Variants in GPR15LG observed in about 807,000 individuals in gnomAD.
The protein encoded by GPR15LG is protein GPR15LG.
chr10:84,184,673 C>A, the GPR15LG span: 1 of 1,614,002 alleles, frequency 6.2e-7, no homozygotes, highest in South Asian at 1.1e-5. Flanking sequence ...ACTCATTGCT[C>A]CTCCCAGGAC....
the GPR15LG span, chr10:84,184,604 C>T: frequency 5.7e-6 from 8 of 1,402,110 alleles, no homozygotes; most frequent in Non-Finnish European, 7.0e-6. Context: ...GTGTTTTCCT[C>T]TCTCTCCCCA....
chr10:84,173,947 C>A, the GPR15LG span: 9 of 1,547,718 alleles, frequency 5.8e-6, no homozygotes, highest in Non-Finnish European at 3.6e-6. Flanking sequence ...GGGTGCAGAT[C>A]CCTGAGCAGG....
the GPR15LG span, chr10:84,173,955 A>G: frequency 1.7e-4 from 261 of 1,495,928 alleles, 1 homozygote; most frequent in Middle Eastern, 7.1e-4. Flanking sequence ...ATCCCTGAGC[A>G]GGATTTCAGC....
the GPR15LG span, chr10:84,176,558 C>A: frequency 1.2e-6 from 2 of 1,613,680 alleles, no homozygotes; most frequent in Non-Finnish European, 1.7e-6. Context: ...CCCAACTCAA[C>A]AAACCTGAAA....
At chr10:84,179,052 G>A in the GPR15LG span, among the ~76,000 whole-genome samples, 1 of 152,188 alleles carries the variant, frequency 6.6e-6, no homozygotes, top group African/African-American at 2.4e-5. Flanking sequence ...AAAGTGTTCT[G>A]TAGCCGGTGT....
At chr10:84,181,647 C>T in the GPR15LG span, among the ~76,000 whole-genome samples, 1 of 151,696 alleles carries the variant, frequency 6.6e-6, no homozygotes, top group East Asian at 2.0e-4. Context: ...TCTTGAACTC[C>T]TGGCCTCAAG....
the GPR15LG span, among the ~76,000 whole-genome samples, chr10:84,182,225 AAGG>A: frequency 6.6e-6 from 1 of 152,210 alleles, no homozygotes; most frequent in South Asian, 2.1e-4. Flanking sequence ...AGACCCTGGA[AAGG>A]AGGAGGTGAA....
the GPR15LG span, among the ~76,000 whole-genome samples, chr10:84,179,198 C>G: frequency 1.5e-3 from 230 of 152,352 alleles, no homozygotes; most frequent in Non-Finnish European, 2.5e-3. Context: ...TCAGTCTCCC[C>G]CTCTGTGAAG....
At chr10:84,184,044 G>A in the GPR15LG span, among the ~76,000 whole-genome samples, 2 of 151,908 alleles carry the variant, frequency 1.3e-5, no homozygotes, top group South Asian at 4.2e-4. Context: ...TATGGGCCAG[G>A]CATGGTGGCT....
At chr10:84,177,548 A>G in the GPR15LG span, among the ~76,000 whole-genome samples, 1 of 152,184 alleles carries the variant, frequency 6.6e-6, no homozygotes, top group Non-Finnish European at 1.5e-5. Flanking sequence ...TTTCCCAGCT[A>G]CCAAGGGGAT....
At chr10:84,177,922 G>A in the GPR15LG span, among the ~76,000 whole-genome samples, 2 of 152,090 alleles carry the variant, frequency 1.3e-5, no homozygotes, top group Non-Finnish European at 2.9e-5. Context: ...GGGTGTGTGA[G>A]CCCCCACCAC....
the GPR15LG span, among the ~76,000 whole-genome samples, chr10:84,179,089 C>T: frequency 5.9e-5 from 9 of 152,322 alleles, no homozygotes; most frequent in South Asian, 6.2e-4. Context: ...GCAAGCCAGA[C>T]GGCTGACTTC....
At chr10:84,179,165 A>G in the GPR15LG span, among the ~76,000 whole-genome samples, 1 of 152,230 alleles carries the variant, frequency 6.6e-6, no homozygotes, top group East Asian at 1.9e-4. Flanking sequence ...GCCTTGGAGC[A>G]AGTCACCCAG....
chr10:84,185,177 A>G, the GPR15LG span: 6 of 723,622 alleles, frequency 8.3e-6, no homozygotes, highest in Non-Finnish European at 1.0e-5. Context: ...CTGGCATTTA[A>G]CTACCAGCAT....
the GPR15LG span, among the ~76,000 whole-genome samples, chr10:84,174,429 G>A: frequency 6.6e-6 from 1 of 151,916 alleles, no homozygotes; most frequent in Admixed American, 6.6e-5. Flanking sequence ...ATGTTTAGAA[G>A]GGGACACCAT....
the GPR15LG span, among the ~76,000 whole-genome samples, chr10:84,181,531 T>A: frequency 6.6e-6 from 1 of 152,172 alleles, no homozygotes; most frequent in Admixed American, 6.5e-5. Flanking sequence ...GCTCAAGTGA[T>A]CCGCTTCAGC....
chr10:84,177,804 G>A, the GPR15LG span, among the ~76,000 whole-genome samples: 3 of 152,278 alleles, frequency 2.0e-5, no homozygotes, highest in South Asian at 6.2e-4. Flanking sequence ...TTCTGTGAAA[G>A]AAGGTGAAAA....
the GPR15LG span, among the ~76,000 whole-genome samples, chr10:84,184,021 T>C: frequency 6.6e-6 from 1 of 151,938 alleles, no homozygotes; most frequent in Non-Finnish European, 1.5e-5. Context: ...TTTTCTGCAA[T>C]TAAAAACAAA....
the GPR15LG span, among the ~76,000 whole-genome samples, chr10:84,174,918 G>A: frequency 2.0e-5 from 3 of 152,048 alleles, no homozygotes; most frequent in Non-Finnish European, 4.4e-5. Context: ...GGGGGAGCTG[G>A]AGCTATAGAA....
Sources: allele counts gnomAD v4.1 joint callset (sites outside exome capture counted in the v4.1 genomes callset), GRCh38; gene constraint gnomAD v4.1.1; transcripts MANE v1.5; gene names NCBI Gene and HGNC (gene_info 2026-07-23, HGNC 2026-07-21).